Variants in JAKMIP1 observed in about 807,000 individuals in gnomAD.
JAKMIP1 encodes the protein janus kinase and microtubule-interacting protein 1.
A neutral mutation model predicts 113.0 loss-of-function variants in JAKMIP1; 33 were observed. The ratio of observed to expected loss-of-function variants is 0.29; its 90% CI spans 0.22 to 0.39. JAKMIP1 has a LOEUF of 0.39. JAKMIP1 is among the 10% of genes least tolerant of loss of function. JAKMIP1 has a pLI of 1.00. For synonymous variants in JAKMIP1, 480 were observed against 459.9 expected, an observed-to-expected ratio of 1.04 and a Z score of -0.56; for missense variants, 813 against 1,080.5, an observed-to-expected ratio of 0.75 and a Z score of 3.47.
intron 13 of JAKMIP1, among the ~76,000 whole-genome samples, chr4:6,053,373 C>A (rs1412471797): frequency 6.6e-6 from 1 of 152,196 alleles, no homozygotes; most frequent in Non-Finnish European, 1.5e-5. Context: ...GTTTGAGTTG[C>A]AAATAGTAAT....
At position 6,042,489 on chromosome 4, in the gene JAKMIP1, C is replaced by T. The variant is rs1018536317; in HGVS notation, c.2029-262G>A. Reference sequence around the variant, plus strand: ...GCTGGATTCAGAGCCTGGATGGACCCGAGTGTGGGCGGCTGCGAGTGTGTG... The same window carrying T: ...GCTGGATTCAGAGCCTGGATGGACCTGAGTGTGGGCGGCTGCGAGTGTGTG... On this transcript the variant is annotated intron_variant, in intron 16 of 20. Transcript: ENST00000409021. This position sits in a 1 kb window ranked among gnomAD's most constrained non-coding sequence, Gnocchi z 5.2. Among the ~76,000 whole-genome samples, 5 of 151,900 alleles carry T rather than the reference C, an allele frequency of 3.3e-5. No individual in the cohort carries two copies. The East Asian group carries it at 7.7e-4, about 23-fold the overall frequency.
intron 5 of JAKMIP1, among the ~76,000 whole-genome samples, chr4:6,084,014 A>G (rs1278341310): frequency 6.6e-6 from 1 of 151,740 alleles, no homozygotes; most frequent in African/African-American, 2.4e-5. Context: ...CCATAATTAC[A>G]CCACCTAAAA....
chr4:6,052,027 T>G (rs1715718056), intron 13 of JAKMIP1, among the ~76,000 whole-genome samples: 1 of 152,098 alleles, frequency 6.6e-6, no homozygotes, highest in Non-Finnish European at 1.5e-5. Context: ...TACTAAGAGA[T>G]GTAGCCAAGA....
chr4:6,074,318 G>C (rs903632655), intron 8 of JAKMIP1, among the ~76,000 whole-genome samples: 1 of 152,214 alleles, frequency 6.6e-6, no homozygotes, highest in African/African-American at 2.4e-5. Flanking sequence ...CCCTCCTGCA[G>C]GGAGTCCAGG....
chr4:6,049,968 C>A lies in JAKMIP1; in HGVS notation c.1909-96G>T, dbSNP rs755237240. 7.2e-6 allele frequency: 6 copies of A among 836,248 alleles called. No individual in the cohort carries two copies. In the African/African-American group the frequency reaches 8.5e-5, roughly 12 times the overall value. The allele number at this position is 836,248 out of a possible 1,614,324, so 51.8% of individuals were successfully genotyped here. Reference sequence around the variant, plus strand: ...GGCCTTTCCTCTGGACAAGACACCGCGCTCTTTCTTTTCTTTTCTGGCCAA... The same window carrying A: ...GGCCTTTCCTCTGGACAAGACACCGAGCTCTTTCTTTTCTTTTCTGGCCAA... On this transcript the variant is annotated intron_variant, in intron 14 of 20. Transcript: ENST00000409021. This position sits in a 1 kb window ranked among gnomAD's most constrained non-coding sequence, Gnocchi z 7.0.
chr4:6,114,872 A>C (rs1715507555), intron 1 of JAKMIP1, among the ~76,000 whole-genome samples: 1 of 152,244 alleles, frequency 6.6e-6, no homozygotes, highest in Non-Finnish European at 1.5e-5. Context: ...GATGGGCAGG[A>C]AGACACAGAA....
Position 6,026,227 on chromosome 4 carries a change from A to T in JAKMIP1, c.*1T>A. On this transcript the variant is annotated 3_prime_UTR_variant, in exon 21 of 21. Transcript: ENST00000409021. ...CCCGAGTTCTTGGCTCACTGAAGTC[A>T]TCAAGGCCACAGAATGAATGCTAGT... 6.5e-7 allele frequency: 1 copy of T among 1,549,862 alleles called. No homozygotes were observed. The highest frequency in any genetic ancestry group is 8.7e-7 in the Non-Finnish European group (1 of 1,145,918).
At chr4:6,161,986 A>G (rs1723026171) in intron 1 of JAKMIP1, among the ~76,000 whole-genome samples, 1 of 152,208 alleles carries the variant, frequency 6.6e-6, no homozygotes, top group Non-Finnish European at 1.5e-5. Context: ...AAAGTTCCCC[A>G]CGGTGTCTGC....
rs920455556 is a variant in JAKMIP1, at chr4:6,031,253, T to C, written c.2380-1472A>G. 1.3e-5 allele frequency among the ~76,000 whole-genome samples: 2 copies of C among 151,874 alleles called. No homozygotes were observed. The highest frequency in any genetic ancestry group is 2.9e-5 in the Non-Finnish European group (2 of 67,988). On this transcript the variant is annotated intron_variant, in intron 19 of 20. Transcript: ENST00000409021. The surrounding 1 kb of genome is among the most constrained non-coding windows in gnomAD (Gnocchi z 4.4). ...TTCAAGACCAGCCTGACCAACATGG[T>C]GAAATGTCTCTACTAAAAATACAAA...
intron 5 of JAKMIP1, among the ~76,000 whole-genome samples, chr4:6,082,595 C>T (rs1436899824): frequency 6.6e-6 from 1 of 152,006 alleles, no homozygotes; most frequent in East Asian, 1.9e-4. Flanking sequence ...CCTTGACGTC[C>T]TGGCCTCAAG....
At chr4:6,026,821 C>T (rs935675486) in intron 20 of JAKMIP1, among the ~76,000 whole-genome samples, 3 of 152,038 alleles carry the variant, frequency 2.0e-5, no homozygotes, top group Admixed American at 1.3e-4. Context: ...GAATGTGGCC[C>T]GACACAAATG....
Position 6,064,154 on chromosome 4 carries a change from G to A in JAKMIP1, c.1431+726C>T, listed in dbSNP as rs1241809784. On this transcript the variant is annotated intron_variant, in intron 9 of 20. Coordinates refer to ENST00000409021, the MANE Select transcript of JAKMIP1 (RefSeq NM_001099433.2). The surrounding 1 kb of genome is among the most constrained non-coding windows in gnomAD (Gnocchi z 4.3). ...GGTGGGGAGCAAGGGGAAGGTCTGC[G>A]CTGAATGAAGTCTGCTGTTTAGGAA... Among the ~76,000 whole-genome samples, 3 of 152,366 alleles carry A rather than the reference G, an allele frequency of 2.0e-5. No individual in the cohort carries two copies. The South Asian group carries it at 6.2e-4, about 32-fold the overall frequency.
chr4:6,093,425 C>T lies in JAKMIP1; in HGVS notation c.625-7796G>A, dbSNP rs1287743607. ...GTTCTTGGGCCATTCTGACTGACAG[C>T]AAATTTCATGGCCATGGATGACTAT... On this transcript the variant is annotated intron_variant, in intron 3 of 20. Transcript: ENST00000409021. This position sits in a 1 kb window ranked among gnomAD's most constrained non-coding sequence, Gnocchi z 4.6. Among the ~76,000 whole-genome samples the T allele has an allele frequency of 6.6e-6, 1 of 152,166 alleles. No individual in the cohort carries two copies. The highest frequency in any genetic ancestry group is 2.4e-5 in the African/African-American group (1 of 41,428).
At chr4:6,145,162 G>A (rs568632942) in intron 1 of JAKMIP1, among the ~76,000 whole-genome samples, 1 of 152,136 alleles carries the variant, frequency 6.6e-6, no homozygotes, top group African/African-American at 2.4e-5. Flanking sequence ...ACCACCACTG[G>A]ATCAGCATGA....
At chr4:6,039,154 T>G (rs1251581112) in intron 18 of JAKMIP1, among the ~76,000 whole-genome samples, 1 of 152,330 alleles carries the variant, frequency 6.6e-6, no homozygotes, top group Non-Finnish European at 1.5e-5. Context: ...AGAACCAGCA[T>G]GCAGGGGCCT....
rs752069655 is a variant in JAKMIP1, at chr4:6,141,514, G to T, written c.-147-28517C>A. On this transcript the variant is annotated intron_variant, in intron 1 of 20. Transcript: ENST00000409021. This position sits in a 1 kb window ranked among gnomAD's most constrained non-coding sequence, Gnocchi z 9.4. ...AAGTGGTAGATGAAACCCTTCCTGG[G>T]TTGCTGCTTTACAAAACAAATATTG... is the stretch of plus-strand genomic sequence containing the variant. Among the ~76,000 whole-genome samples, 7 of 152,134 alleles carry T rather than the reference G, an allele frequency of 4.6e-5. No individual in the cohort carries two copies. The highest frequency in any genetic ancestry group is 5.9e-5 in the Non-Finnish European group (4 of 68,028).
rs1727968391 is a variant in JAKMIP1 at position 6,197,417 on chromosome 4, TC to T, written c.-148+2835del. 6.6e-6 allele frequency among the ~76,000 whole-genome samples: 1 copy of T among 152,142 alleles called. No individual in the cohort carries two copies. The highest frequency in any genetic ancestry group is 2.4e-5 in the African/African-American group (1 of 41,412). On this transcript the variant is annotated intron_variant, in intron 1 of 20. Coordinates refer to ENST00000409021, the MANE Select transcript of JAKMIP1 (RefSeq NM_001099433.2). This position sits in a 1 kb window ranked among gnomAD's most constrained non-coding sequence, Gnocchi z 6.5. Reference sequence around the variant, plus strand: ...ATAGCTTCTTCACCATCATCACCCCTCATAAATCGGCTACCTTTGCTCAGAG... The same window carrying T: ...ATAGCTTCTTCACCATCATCACCCCTATAAATCGGCTACCTTTGCTCAGAG...
chr4:6,199,642 G>A lies in JAKMIP1; in HGVS notation c.-148+611C>T, dbSNP rs1728226812. Among the ~76,000 whole-genome samples the A allele has an allele frequency of 6.6e-6, 1 of 151,742 alleles. No homozygotes were observed. The highest frequency in any genetic ancestry group is 6.6e-5 in the Admixed American group (1 of 15,260). On this transcript the variant is annotated intron_variant, in intron 1 of 20. Transcript: ENST00000409021. The surrounding 1 kb of genome is among the most constrained non-coding windows in gnomAD (Gnocchi z 5.6). ...CCTCCCCGGCGCCCACGTGGGCGGAGCAGCGCGAGGGTGTGCGTGGCAGGG... is the reference window on the plus strand; with the variant it reads ...CCTCCCCGGCGCCCACGTGGGCGGAACAGCGCGAGGGTGTGCGTGGCAGGG...
Position 6,138,839 on chromosome 4 carries a change from G to C in JAKMIP1, c.-147-25842C>G, listed in dbSNP as rs1578354644. Among the ~76,000 whole-genome samples the C allele has an allele frequency of 2.0e-5, 3 of 152,228 alleles. No individual in the cohort carries two copies. Among genetic ancestry groups the C allele is most frequent in the South Asian group, 2.1e-4 (1 of 4,824 alleles). On this transcript the variant is annotated intron_variant, in intron 1 of 20. Transcript: ENST00000409021. This position sits in a 1 kb window ranked among gnomAD's most constrained non-coding sequence, Gnocchi z 6.0. ...ACCTGGAAAAATGAGGAAAATCATAGTACCTGCCCCGGCAAAAGCGAATGC... is the reference window on the plus strand; with the variant it reads ...ACCTGGAAAAATGAGGAAAATCATACTACCTGCCCCGGCAAAAGCGAATGC...
Sources: allele counts gnomAD v4.1 joint callset (sites outside exome capture counted in the v4.1 genomes callset), GRCh38; gene constraint gnomAD v4.1.1; non-coding constraint Gnocchi (gnomAD v3.1); transcripts MANE v1.5; gene names NCBI Gene and HGNC (gene_info 2026-07-23, HGNC 2026-07-21).